The following PPP2R3A variants were observed in gnomAD, a reference collection of about 807,000 sequenced individuals.
The protein encoded by PPP2R3A is serine/threonine-protein phosphatase 2A regulatory subunit B'' subunit alpha.
In PPP2R3A, 80 loss-of-function variants were observed where a neutral mutation model predicts 106.9. The observed-to-expected ratio is 0.75, with a 90% CI of 0.62 to 0.90. The LOEUF is 0.90. Ranked by LOEUF, PPP2R3A falls within the 40% of genes least tolerant of loss-of-function variation. PPP2R3A has a pLI of 0.00. For missense variants in PPP2R3A, 1,386 were observed against 1,350.4 expected (o/e 1.03, Z -0.41); for synonymous variants, 483 against 468.3 (o/e 1.03, Z -0.41).
intron 5 of PPP2R3A, among the ~76,000 whole-genome samples, chr3:136,066,515 A>G (rs560237958): frequency 6.6e-6 from 1 of 152,326 alleles, no homozygotes; most frequent in African/African-American, 2.4e-5. Flanking sequence ...ATACTAGGTA[A>G]TTTATAAAGA....
chr3:136,007,302 T>C (rs1390397869), intron 2 of PPP2R3A, among the ~76,000 whole-genome samples: 1 of 152,210 alleles, frequency 6.6e-6, no homozygotes, highest in Non-Finnish European at 1.5e-5. Flanking sequence ...AGTGAGGGGA[T>C]GTTCACTTTC....
intron 1 of PPP2R3A, among the ~76,000 whole-genome samples, chr3:135,986,181 A>G (rs1235524683): frequency 6.6e-6 from 1 of 152,124 alleles, no homozygotes; most frequent in Non-Finnish European, 1.5e-5. Context: ...ATGAAGGTAA[A>G]GGAAGTTGAA....
intron 3 of PPP2R3A, among the ~76,000 whole-genome samples, chr3:136,036,148 A>G (rs1176411920): frequency 1.3e-5 from 2 of 151,920 alleles, no homozygotes; most frequent in African/African-American, 4.8e-5. Flanking sequence ...ATTTCCTTAC[A>G]TTGGGCTTTG....
chr3:136,041,048 C>A, intron 4 of PPP2R3A, 86 bp downstream of exon 4: 1 of 1,051,650 alleles, frequency 9.5e-7, no homozygotes, highest in South Asian at 1.7e-5. Flanking sequence ...CTATTTTACT[C>A]ATTTATACAT....
At chr3:136,014,079 C>A (rs993386938) in intron 2 of PPP2R3A, among the ~76,000 whole-genome samples, 2 of 152,188 alleles carry the variant, frequency 1.3e-5, no homozygotes, top group African/African-American at 4.8e-5. Flanking sequence ...TATTCCAGCA[C>A]TATTTGTTGA....
Position 136,001,401 on chromosome 3 carries a change from G to A in PPP2R3A, c.-98G>A, listed in dbSNP as rs1164140451. ...TATTTGGAAGAAACCACTGAACATT[G>A]TTATTAAATATATTTTCAGCTAACT... On this transcript the variant is annotated 5_prime_UTR_variant, in exon 2 of 14. Transcript: ENST00000264977. 3.8e-6 allele frequency: 4 copies of A among 1,039,156 alleles called. No individual in the cohort carries two copies. The Admixed American group carries it at 6.7e-5, about 17-fold the overall frequency. 64.4% of individuals were successfully genotyped at this position (1,039,156 alleles called of 1,614,324 possible). A position where few individuals can be genotyped will look rare whatever the true frequency, so the allele number is the denominator to read the frequency against.
At chr3:136,024,115 T>G (rs1463898121) in intron 2 of PPP2R3A, among the ~76,000 whole-genome samples, 2 of 152,124 alleles carry the variant, frequency 1.3e-5, no homozygotes, top group African/African-American at 2.4e-5. Flanking sequence ...ATACTGTGTT[T>G]ATAGGGAAAG....
At chr3:136,101,483 A>T (rs1300277155) in intron 10 of PPP2R3A, among the ~76,000 whole-genome samples, 1 of 152,144 alleles carries the variant, frequency 6.6e-6, no homozygotes, top group Non-Finnish European at 1.5e-5. Flanking sequence ...GGAGTGCAGC[A>T]GCGCAGTCTT....
chr3:136,077,573 T>A (rs1428028817), intron 6 of PPP2R3A, among the ~76,000 whole-genome samples: 1 of 112,906 alleles, frequency 8.9e-6, no homozygotes, highest in Non-Finnish European at 1.6e-5. Context: ...AGAAGAAAAA[T>A]AATCAGTGAA....
In PPP2R3A at chr3:136,087,934, A is replaced by C; in HGVS notation, c.2837+3A>C. 1.2e-6 allele frequency: 2 copies of C among 1,603,192 alleles called. No homozygotes were observed. Among genetic ancestry groups the C allele is most frequent in the Non-Finnish European group, 1.7e-6 (2 of 1,170,880 alleles). On this transcript the variant is annotated splice_donor_region_variant and intron_variant, in intron 9 of 13. Coordinates refer to ENST00000264977, the MANE Select transcript of PPP2R3A (RefSeq NM_002718.5). ...ATATTCTCTGGTGCAGTAACAAGGT[A>C]AGAAAACGTTTAATGCTGTGTTTAA...
chr3:135,972,259 G>A (rs1414316835), intron 1 of PPP2R3A, among the ~76,000 whole-genome samples: 2 of 152,160 alleles, frequency 1.3e-5, no homozygotes, highest in African/African-American at 4.8e-5. Context: ...CTTTCATTCA[G>A]CACAATGTAT....
At position 136,070,500 on chromosome 3, in the gene PPP2R3A, G is replaced by C; in HGVS notation, c.2492G>C (p.Gly831Ala). 6.2e-7 allele frequency: 1 copy of C among 1,609,056 alleles called. No individual in the cohort carries two copies. The change falls in exon 6 of 14, where the codon GGT (glycine) becomes GCT (alanine). Residue 831 changes from glycine (G) to alanine (A), a missense_variant. Transcript: ENST00000264977. ...LLQDVVDTHP[G>A]LTFLKDAPEF... is the part of the protein sequence containing the mutation. ...CAGGATGTGGTGGATACCCACCCTG[G>C]TCTCACGTTCCTGAAAGATGCTCCA...
intron 10 of PPP2R3A, among the ~76,000 whole-genome samples, chr3:136,101,354 C>A (rs987624919): frequency 6.6e-6 from 1 of 152,240 alleles, no homozygotes; most frequent in African/African-American, 2.4e-5. Context: ...AAAGTGGTGA[C>A]AAATTACAGA....
chr3:136,070,726 T>C (rs964370999), intron 6 of PPP2R3A, among the ~76,000 whole-genome samples, 174 bp downstream of exon 6: 3 of 152,234 alleles, frequency 2.0e-5, no homozygotes, highest in African/African-American at 7.2e-5. Context: ...TTTTATCTAT[T>C]TTCCTTCTTG....
At chr3:136,072,204 A>G (rs1355388164) in intron 6 of PPP2R3A, among the ~76,000 whole-genome samples, 1 of 152,186 alleles carries the variant, frequency 6.6e-6, no homozygotes, top group African/African-American at 2.4e-5. Context: ...CCATACAAGC[A>G]GGAACTTTGT....
intron 13 of PPP2R3A, among the ~76,000 whole-genome samples, chr3:136,140,956 A>G (rs948211381): frequency 1.3e-5 from 2 of 152,182 alleles, no homozygotes; most frequent in Non-Finnish European, 2.9e-5. Context: ...CACTCTTACC[A>G]TTTTACTGAC....
chr3:136,078,763 T>C (rs1315608509), intron 7 of PPP2R3A, among the ~76,000 whole-genome samples: 1 of 152,152 alleles, frequency 6.6e-6, no homozygotes. Context: ...TCACAATAGA[T>C]AAGCCTGGAG....
intron 13 of PPP2R3A, among the ~76,000 whole-genome samples, chr3:136,139,465 G>GC (rs1938762149): frequency 1.3e-5 from 2 of 151,936 alleles, no homozygotes; most frequent in Middle Eastern, 3.2e-3. Context: ...GGAGGCCGAG[G>GC]GGGGGGATCA....
intron 1 of PPP2R3A, among the ~76,000 whole-genome samples, chr3:135,977,420 G>A (rs1408423690): frequency 5.3e-5 from 8 of 152,138 alleles, no homozygotes; most frequent in East Asian, 1.9e-4. Flanking sequence ...ACATACAGTC[G>A]TTAGAAGATA....
Sources: allele counts gnomAD v4.1 joint callset (sites outside exome capture counted in the v4.1 genomes callset), GRCh38; gene constraint gnomAD v4.1.1; transcripts MANE v1.5; gene names NCBI Gene and HGNC (gene_info 2026-07-23, HGNC 2026-07-21).